Variants in TRAM1 observed in about 807,000 individuals in gnomAD.
TRAM1 encodes the protein translocation associated membrane protein 1.
TRAM1 carries 17 observed loss-of-function variants against 48.7 expected under a neutral mutation model. The observed-to-expected ratio is 0.35, with a 90% CI of 0.24 to 0.52. The LOEUF is 0.52. Among genes scored for constraint, TRAM1 ranks in the 20% least tolerant of loss-of-function variants. TRAM1 has a pLI of 0.94. For synonymous variants in TRAM1, 182 were observed against 154.0 expected (o/e 1.18, Z -1.34); for missense variants, 351 against 441.5 (o/e 0.79, Z 1.84).
chr8:70,601,008 C>T (rs1817597952), intron 1 of TRAM1, among the ~76,000 whole-genome samples: 1 of 152,122 alleles, frequency 6.6e-6, no homozygotes, highest in South Asian at 2.1e-4. Context: ...CTAGAAAGGA[C>T]TCTGTTTTTT....
intron 2 of TRAM1, among the ~76,000 whole-genome samples, chr8:70,599,143 A>G (rs1225928499): frequency 6.6e-6 from 1 of 152,098 alleles, no homozygotes; most frequent in Non-Finnish European, 1.5e-5. Context: ...TTGTAGTCCC[A>G]CCTACTTGGG....
intron 10 of TRAM1, among the ~76,000 whole-genome samples, chr8:70,578,759 C>A (rs777756132): frequency 2.6e-5 from 4 of 152,200 alleles, no homozygotes; most frequent in African/African-American, 4.8e-5. Context: ...GCCAGCACAA[C>A]CTTGAGGTCA....
At chr8:70,598,827 C>A (rs963197885) in intron 2 of TRAM1, among the ~76,000 whole-genome samples, 4 of 152,196 alleles carry the variant, frequency 2.6e-5, no homozygotes, top group Admixed American at 1.3e-4. Context: ...TATTCTCAAA[C>A]TTTATGTTTA....
intron 4 of TRAM1, among the ~76,000 whole-genome samples, chr8:70,596,532 T>C (rs947505017): frequency 2.0e-5 from 3 of 152,174 alleles, no homozygotes; most frequent in Non-Finnish European, 2.9e-5. Context: ...AAATGAGATA[T>C]GGAATCAGGT....
chr8:70,579,812 A>G (rs1170031451), intron 10 of TRAM1, among the ~76,000 whole-genome samples: 1 of 152,184 alleles, frequency 6.6e-6, no homozygotes, highest in East Asian at 1.9e-4. Context: ...CTTATATTGA[A>G]TATTATGGTT....
chr8:70,583,548 CCAA>C, intron 9 of TRAM1, 99 bp downstream of exon 9: 5 of 1,464,206 alleles, frequency 3.4e-6, no homozygotes, highest in Non-Finnish European at 4.6e-6. Flanking sequence ...AGTATTTTCC[CCAA>C]CCTCATATTC....
At chr8:70,586,551 T>G (rs1456253203) in intron 8 of TRAM1, among the ~76,000 whole-genome samples, 1 of 152,196 alleles carries the variant, frequency 6.6e-6, no homozygotes, top group Admixed American at 6.5e-5. Flanking sequence ...TAGTTATCTA[T>G]AAGGCTAATT....
chr8:70,574,883 GT>G lies in TRAM1; in HGVS notation c.*48del. The G allele has an allele frequency of 3.1e-6, 4 of 1,269,912 alleles. No homozygotes were observed. The highest frequency in any genetic ancestry group is 4.6e-6 in the Non-Finnish European group (4 of 878,758). 78.7% of individuals were successfully genotyped at this position (1,269,912 alleles called of 1,614,324 possible). On this transcript the variant is annotated 3_prime_UTR_variant, in exon 11 of 11. Transcript: ENST00000262213. ...AAAATCTCTAATGCTGAAAGATATA[GT>G]AGAAAGCAGATTTCTTTGGGGACAT...
rs550689732 is a variant in TRAM1, at chr8:70,588,110, A to G, written c.571-934T>C. ...GCAACTGTAGTCCCAGCTACTCAGG[A>G]GGCAGACACAGGAGGAGCATCACTT... On this transcript the variant is annotated intron_variant, in intron 6 of 10. Transcript: ENST00000262213. 2.0e-4 allele frequency among the ~76,000 whole-genome samples: 30 copies of G among 152,236 alleles called. No individual in the cohort carries two copies. The East Asian group carries it at 5.8e-3, about 29-fold the overall frequency.
At chr8:70,600,304 C>T (rs141102714) in intron 1 of TRAM1, among the ~76,000 whole-genome samples, 75 of 152,214 alleles carry the variant, frequency 4.9e-4, no homozygotes, top group African/African-American at 1.7e-3. Flanking sequence ...TGTAATTCAT[C>T]CTTAATTTTA....
chr8:70,588,728 T>C (rs1415260549), intron 6 of TRAM1, among the ~76,000 whole-genome samples: 1 of 152,246 alleles, frequency 6.6e-6, no homozygotes, highest in African/African-American at 2.4e-5. Flanking sequence ...GCAGTAAAAA[T>C]GTTTACAAAA....
chr8:70,581,244 G>A (rs542942802), intron 10 of TRAM1, among the ~76,000 whole-genome samples: 3 of 152,240 alleles, frequency 2.0e-5, no homozygotes, highest in East Asian at 3.9e-4. Context: ...ATATGGAAAT[G>A]TAAGAAACCC....
intron 5 of TRAM1, 95 bp from the exon 6 acceptor site, chr8:70,594,685 T>C: frequency 1.1e-6 from 1 of 916,868 alleles, no homozygotes. Flanking sequence ...ACTAAGTAAC[T>C]ACCTTTGTGT....
chr8:70,606,657 C>T (rs1266088233), intron 1 of TRAM1, among the ~76,000 whole-genome samples: 5 of 152,126 alleles, frequency 3.3e-5, no homozygotes, highest in Admixed American at 2.0e-4. Context: ...AGACTTAAAG[C>T]TTGAGAATGT....
At chr8:70,602,985 G>A (rs577769801) in intron 1 of TRAM1, among the ~76,000 whole-genome samples, 1 of 152,138 alleles carries the variant, frequency 6.6e-6, no homozygotes, top group Non-Finnish European at 1.5e-5. Context: ...TCAGGAAGTG[G>A]AAGAAGTCAG....
At chr8:70,599,205 C>T (rs2132042671) in intron 2 of TRAM1, among the ~76,000 whole-genome samples, 1 of 152,290 alleles carries the variant, frequency 6.6e-6, no homozygotes, top group Admixed American at 6.5e-5. Context: ...CTGCAGTGAG[C>T]TACGATCACG....
chr8:70,592,645 G>T (rs1817391518), intron 6 of TRAM1, among the ~76,000 whole-genome samples: 1 of 152,170 alleles, frequency 6.6e-6, no homozygotes, highest in Non-Finnish European at 1.5e-5. Context: ...ACTTACCATA[G>T]TCAATGAAGA....
At chr8:70,590,359 A>G (rs1203810891) in intron 6 of TRAM1, among the ~76,000 whole-genome samples, 1 of 152,216 alleles carries the variant, frequency 6.6e-6, no homozygotes, top group Non-Finnish European at 1.5e-5. Flanking sequence ...AAGCCATTCC[A>G]TTTCTGATCT....
intron 4 of TRAM1, among the ~76,000 whole-genome samples, chr8:70,597,442 C>T (rs1458120697): frequency 1.3e-5 from 2 of 151,738 alleles, no homozygotes; most frequent in African/African-American, 2.4e-5. Context: ...GAGGCCGAGG[C>T]GGGTGGATCA....
Sources: gnomAD v4.1 joint callset for allele counts (sites outside exome capture counted in the v4.1 genomes callset) on GRCh38, gnomAD v4.1.1 for gene constraint, MANE v1.5 for transcripts, NCBI Gene and HGNC (gene_info 2026-07-23, HGNC 2026-07-21) for gene names.